Variants in GCN1 observed in about 807,000 individuals in gnomAD.
The protein encoded by GCN1 is GCN1 activator of EIF2AK4.
GCN1 carries 90 observed loss-of-function variants against 288.4 expected under a neutral mutation model. The ratio of observed to expected loss-of-function variants is 0.31; its 90% CI spans 0.26 to 0.37. The LOEUF (loss-of-function observed/expected upper bound fraction) is 0.37. Ranked by LOEUF, GCN1 falls within the 10% of genes least tolerant of loss-of-function variation. GCN1 has a pLI of 1.00. For missense variants in GCN1, 2,586 were observed against 3,419.9 expected (o/e 0.76, Z 6.08); for synonymous variants, 1,386 against 1,420.2 (o/e 0.98, Z 0.54).
rs987435412 is a variant in GCN1, at chr12:120,173,771, T to A, written c.1248A>T (p.Arg416=). Residue 416 remains arginine, a synonymous_variant, in exon 14 of 58, where the codon CGA becomes CGT. Transcript: ENST00000300648. The part of the protein sequence containing the change: ...AVSVLALWCN[R]FTMEVPKKLT... ...GCTTCTTGGGCACTTCCATAGTGAA[T>A]CGGTTACACCAGAGAGCCAGGACTG... 4 of 1,613,772 alleles carry A rather than the reference T, an allele frequency of 2.5e-6. No individual in the cohort carries two copies. The African/African-American group carries it at 4.0e-5, about 16-fold the overall frequency.
chr12:120,140,941 C>T lies in GCN1; in HGVS notation c.5912G>A (p.Gly1971Asp). 5.0e-6 allele frequency: 8 copies of T among 1,614,016 alleles called. No homozygotes were observed. Among genetic ancestry groups the T allele is most frequent in the Non-Finnish European group, 6.8e-6 (8 of 1,179,880 alleles). The part of the protein sequence containing the change: ...LPEIIPILEE[G>D]LRSQKSDERQ... ...CTCATCGCTCTTCTGAGACCTCAGG[C>T]CTTCCTCAAGGATGGGGATGATCTC... Residue 1971 changes from glycine to aspartate, a missense_variant, in exon 45 of 58, where the codon GGC (glycine) becomes GAC (aspartate). Transcript: ENST00000300648.
intron 14 of GCN1, among the ~76,000 whole-genome samples, chr12:120,172,339 G>A (rs1230941445): frequency 6.6e-6 from 1 of 152,290 alleles, no homozygotes; most frequent in South Asian, 2.1e-4. Context: ...TGAGCTGGGA[G>A]ACATATTTCA....
Position 120,153,967 on chromosome 12 carries a change from G to A in GCN1, c.3702-58C>T. 1 of 1,453,818 alleles carries A rather than the reference G, an allele frequency of 6.9e-7. No individual in the cohort carries two copies. The highest frequency in any genetic ancestry group is 9.5e-7 in the Non-Finnish European group (1 of 1,051,550). 90.1% of individuals were successfully genotyped at this position (1,453,818 alleles called of 1,614,324 possible). On this transcript the variant is annotated intron_variant, in intron 31 of 57. Transcript: ENST00000300648. The surrounding 1 kb of genome is among the most constrained non-coding windows in gnomAD (Gnocchi z 4.4). ...CAGTCAGGGGGCCTCCTCTGCCAGT[G>A]GAACCTCTGCTGGTGCACGGCAAGG...
At chr12:120,133,605 C>T (rs1177412035) in intron 53 of GCN1, among the ~76,000 whole-genome samples, 1 of 152,150 alleles carries the variant, frequency 6.6e-6, no homozygotes, top group African/African-American at 2.4e-5. Flanking sequence ...CTATGCACCT[C>T]TGGGATAGGC....
chr12:120,185,852 G>A (rs1171608483), intron 2 of GCN1, among the ~76,000 whole-genome samples: 2 of 152,122 alleles, frequency 1.3e-5, no homozygotes, highest in Non-Finnish European at 2.9e-5. Flanking sequence ...ACCTGCCTCA[G>A]CCTCCCAAAG....
chr12:120,174,004 C>T, intron 13 of GCN1, 67 bp downstream of exon 13: 4 of 1,113,924 alleles, frequency 3.6e-6, no homozygotes, highest in Non-Finnish European at 5.4e-6. Context: ...AAGGAAAGCT[C>T]CAACTGTGAA....
intron 1 of GCN1, among the ~76,000 whole-genome samples, chr12:120,192,719 G>A (rs1361213377): frequency 3.5e-5 from 5 of 141,110 alleles, no homozygotes; most frequent in East Asian, 2.2e-4. Context: ...GCGACAGAGC[G>A]AGACTCCGTC....
chr12:120,153,595 G>T lies in GCN1; in HGVS notation c.3867+149C>A. On this transcript the variant is annotated intron_variant, in intron 32 of 57. Transcript: ENST00000300648. The surrounding 1 kb of genome is among the most constrained non-coding windows in gnomAD (Gnocchi z 4.4). ...TAAAAGAATTTAACACACTATCATG[G>T]TCTTTTTGGCTCAAAGTGCTCTGCC... The T allele has an allele frequency of 1.1e-6, 1 of 882,218 alleles. No homozygotes were observed. The highest frequency in any genetic ancestry group is 1.8e-6 in the Non-Finnish European group (1 of 568,310). 54.6% of individuals were successfully genotyped at this position (882,218 alleles called of 1,614,324 possible).
intron 20 of GCN1, 95 bp downstream of exon 20, chr12:120,162,752 T>C (rs1877970115): frequency 7.2e-7 from 1 of 1,379,702 alleles, no homozygotes; most frequent in Non-Finnish European, 1.0e-6. Context: ...ATTTCATCCA[T>C]CTTCACCTGC....
chr12:120,191,115 G>T (rs1359667212), intron 1 of GCN1, among the ~76,000 whole-genome samples: 1 of 152,138 alleles, frequency 6.6e-6, no homozygotes, highest in African/African-American at 2.4e-5. Flanking sequence ...CAAGCAAAAA[G>T]TTGGCTACTA....
At chr12:120,148,387 C>A in intron 36 of GCN1, 41 bp from the exon 37 acceptor site, 6 of 1,531,920 alleles carry the variant, frequency 3.9e-6, no homozygotes, top group Non-Finnish European at 5.4e-6. Context: ...AATCACTGAG[C>A]AAAGGCCAGC....
chr12:120,193,569 T>C (rs558523852), intron 1 of GCN1, among the ~76,000 whole-genome samples: 31 of 152,350 alleles, frequency 2.0e-4, no homozygotes, highest in African/African-American at 7.5e-4. Flanking sequence ...CCTCCCAAAG[T>C]GCTGGGATTA....
intron 34 of GCN1, 53 bp downstream of exon 34, chr12:120,151,092 A>AACCTGGGG: frequency 6.3e-7 from 1 of 1,589,624 alleles, no homozygotes; most frequent in East Asian, 2.2e-5. Context: ...TTCCTCTGGC[A>AACCTGGGG]ACCTGGGGAC....
chr12:120,173,360 T>G (rs1386155196), intron 14 of GCN1, among the ~76,000 whole-genome samples: 1 of 152,206 alleles, frequency 6.6e-6, no homozygotes, highest in Non-Finnish European at 1.5e-5. Context: ...TAAACCAGTC[T>G]TATCTGAGTC....
At chr12:120,149,275 G>T (rs1467373792) in intron 36 of GCN1, among the ~76,000 whole-genome samples, 2 of 151,998 alleles carry the variant, frequency 1.3e-5, no homozygotes, top group African/African-American at 4.8e-5. Flanking sequence ...CAATCCCAGT[G>T]CTTTGGGAGG....
Position 120,173,770 on chromosome 12 carries a change from A to T in GCN1, c.1249T>A (p.Phe417Ile), listed in dbSNP as rs1369377401. The T allele has an allele frequency of 6.2e-6, 10 of 1,613,788 alleles. No individual in the cohort carries two copies. Among genetic ancestry groups the T allele is most frequent in the Non-Finnish European group, 7.6e-6 (9 of 1,179,750 alleles). The part of the protein sequence containing the change: ...VSVLALWCNR[F>I]TMEVPKKLTE... ...AGCTTCTTGGGCACTTCCATAGTGAATCGGTTACACCAGAGAGCCAGGACT... is the reference window on the plus strand; with the variant it reads ...AGCTTCTTGGGCACTTCCATAGTGATTCGGTTACACCAGAGAGCCAGGACT... The change falls in exon 14 of 58, where the codon TTC becomes ATC. Residue 417 changes from phenylalanine (F) to isoleucine (I), a missense_variant. Transcript: ENST00000300648.
chr12:120,179,793 G>A (rs1232763826), intron 5 of GCN1, among the ~76,000 whole-genome samples: 1 of 152,094 alleles, frequency 6.6e-6, no homozygotes, highest in Non-Finnish European at 1.5e-5. Flanking sequence ...TGAGGTTTAA[G>A]TGCCATGCAG....
intron 34 of GCN1, among the ~76,000 whole-genome samples, chr12:120,150,720 G>A (rs1452446084): frequency 1.3e-5 from 2 of 152,148 alleles, no homozygotes; most frequent in Middle Eastern, 3.4e-3. Context: ...GACAGATCAC[G>A]AGGTCAGGAG....
In GCN1 at chr12:120,169,445, C is replaced by T. The variant is rs142923614; in HGVS notation, c.1519+724G>A. Among the ~76,000 whole-genome samples, 609 of 150,392 alleles carry T rather than the reference C, an allele frequency of 4.0e-3. 6 individuals carry two copies. Among genetic ancestry groups the T allele is most frequent in the African/African-American group, 0.014 (586 of 41,144 alleles). On this transcript the variant is annotated intron_variant, in intron 15 of 57. Coordinates refer to ENST00000300648, the MANE Select transcript of GCN1 (RefSeq NM_006836.2). Reference sequence around the variant, plus strand: ...ATATTATAAGTAATATGGCATATAGCGTATGTTCCCCAGCATGTTCAATTA... The same window carrying T: ...ATATTATAAGTAATATGGCATATAGTGTATGTTCCCCAGCATGTTCAATTA...
Sources: allele counts gnomAD v4.1 joint callset (sites outside exome capture counted in the v4.1 genomes callset), GRCh38; gene constraint gnomAD v4.1.1; non-coding constraint Gnocchi (gnomAD v3.1); transcripts MANE v1.5; gene names NCBI Gene and HGNC (gene_info 2026-07-23, HGNC 2026-07-21).